SEC11C: variants seen among roughly 807,000 people sequenced by gnomAD.
SEC11C encodes the protein signal peptidase complex catalytic subunit SEC11C.
A neutral mutation model predicts 21.9 loss-of-function variants in SEC11C; 10 were observed. The observed-to-expected ratio is 0.46, with a 90% CI of 0.28 to 0.77. The LOEUF is 0.77. Ranked by LOEUF, SEC11C falls within the 30% of genes least tolerant of loss-of-function variation. The pLI, the probability that SEC11C is intolerant of heterozygous loss-of-function variation, is 0.12. For synonymous variants in SEC11C, 83 were observed against 85.6 expected (o/e 0.97, Z 0.17); for missense variants, 145 against 244.5 (o/e 0.59, Z 2.71).
At chr18:59,151,535 G>A (rs1174797396) in intron 2 of SEC11C, among the ~76,000 whole-genome samples, 2 of 152,040 alleles carry the variant, frequency 1.3e-5, no homozygotes, top group South Asian at 2.1e-4. Context: ...TCACTTAAAC[G>A]TAAACCTATC....
chr18:59,143,955 G>A (rs1366651883), intron 1 of SEC11C, among the ~76,000 whole-genome samples: 1 of 151,584 alleles, frequency 6.6e-6, no homozygotes, highest in African/African-American at 2.4e-5. Context: ...GGGTTCAAGC[G>A]ATTCTTGTGC....
Position 59,139,910 on chromosome 18 carries a change from C to A in SEC11C, c.-39C>A. The A allele has an allele frequency of 4.8e-6, 7 of 1,470,500 alleles. No homozygotes were observed. Among genetic ancestry groups the A allele is most frequent in the Non-Finnish European group, 4.5e-6 (5 of 1,099,664 alleles). 91.1% of individuals were successfully genotyped at this position (1,470,500 alleles called of 1,614,324 possible). A position where few individuals can be genotyped will look rare whatever the true frequency, so the allele number is the denominator to read the frequency against. ...GGTGCTCCGCAGCCGTCTGTGCCAC[C>A]CAGAGCCGGCGGGCCGCTAGGTCCC... is the stretch of plus-strand genomic sequence containing the variant. On this transcript the variant is annotated 5_prime_UTR_variant, in exon 1 of 6. Transcript: ENST00000587834.
At chr18:59,143,467 C>A (rs1019848413) in intron 1 of SEC11C, among the ~76,000 whole-genome samples, 1 of 151,800 alleles carries the variant, frequency 6.6e-6, no homozygotes, top group Non-Finnish European at 1.5e-5. Context: ...CATTTATGTC[C>A]TCACTTTCAG....
chr18:59,157,458 A>C (rs1392759175), intron 4 of SEC11C, 150 bp from the exon 5 acceptor site: 12 of 623,632 alleles, frequency 1.9e-5, no homozygotes, highest in Non-Finnish European at 3.4e-5. Context: ...AAGCTGTTTG[A>C]GACAGGGCTG....
intron 3 of SEC11C, among the ~76,000 whole-genome samples, chr18:59,154,106 T>TA (rs2069392277): frequency 6.6e-6 from 1 of 152,240 alleles, no homozygotes; most frequent in African/African-American, 2.4e-5. Context: ...CCTGTGGTGA[T>TA]ACACTGGTCC....
At chr18:59,151,014 A>G (rs1007224332) in intron 2 of SEC11C, among the ~76,000 whole-genome samples, 2 of 152,140 alleles carry the variant, frequency 1.3e-5, no homozygotes, top group East Asian at 1.9e-4. Flanking sequence ...TGGTTTGTCA[A>G]CATAAACCAA....
At chr18:59,146,478 G>A (rs993853933) in intron 1 of SEC11C, among the ~76,000 whole-genome samples, 1 of 152,160 alleles carries the variant, frequency 6.6e-6, no homozygotes, top group Admixed American at 6.5e-5. Flanking sequence ...TAGAGGAGGA[G>A]CAACTGGCAG....
chr18:59,155,668 G>A lies in SEC11C; in HGVS notation c.348-20G>A, dbSNP rs1215232831. On this transcript the variant is annotated intron_variant, in intron 3 of 5. Transcript: ENST00000587834. Reference sequence around the variant, plus strand: ...CTGTGCTGAAAATAATTTTTGAGAAGACATTATTTTGCTTTCCAGAGATAA... The same window carrying A: ...CTGTGCTGAAAATAATTTTTGAGAAAACATTATTTTGCTTTCCAGAGATAA... 6.2e-7 allele frequency: 1 copy of A among 1,604,376 alleles called. No individual in the cohort carries two copies. The highest frequency in any genetic ancestry group is 8.5e-7 in the Non-Finnish European group (1 of 1,176,616).
rs74331479 is a variant in SEC11C, at chr18:59,156,313, G to T, written c.467+506G>T. The T allele has an allele frequency of 2.8e-3, 425 of 154,538 alleles. 2 individuals carry two copies. The highest frequency in any genetic ancestry group is 1.0e-2 in the African/African-American group (415 of 41,554). 9.6% of individuals were successfully genotyped at this position (154,538 alleles called of 1,614,324 possible). Reference sequence around the variant, plus strand: ...GTTTAACATTTCAGGGAATGCTGTAGGTACTCTCTGGGCTGGTACAGATGT... The same window carrying T: ...GTTTAACATTTCAGGGAATGCTGTATGTACTCTCTGGGCTGGTACAGATGT... On this transcript the variant is annotated intron_variant, in intron 4 of 5. Coordinates refer to ENST00000587834, the MANE Select transcript of SEC11C (RefSeq NM_033280.4).
intron 2 of SEC11C, among the ~76,000 whole-genome samples, chr18:59,151,334 T>A (rs1603377617): frequency 1.4e-5 from 2 of 145,178 alleles, no homozygotes; most frequent in Non-Finnish European, 3.0e-5. Flanking sequence ...TTTTTTTTTT[T>A]AACACTGAAA....
Position 59,149,554 on chromosome 18 carries a change from T to G in SEC11C, c.129T>G (p.Ser43=). The G allele has an allele frequency of 1.9e-6, 3 of 1,613,186 alleles. No individual in the cohort carries two copies. Among genetic ancestry groups the G allele is most frequent in the Non-Finnish European group, 2.5e-6 (3 of 1,179,198 alleles). The part of the protein sequence containing the change: ...QVLNFAMIVS[S]ALMIWKGLIV... ...TAAACTTCGCCATGATCGTGTCTTC[T>G]GCACTCATGATATGGAAAGGCTTGA... The change falls in exon 2 of 6, where the codon TCT becomes TCG. Residue 43 remains serine (S), a synonymous_variant. Transcript: ENST00000587834.
At chr18:59,143,983 C>A (rs2069242449) in intron 1 of SEC11C, among the ~76,000 whole-genome samples, 1 of 152,032 alleles carries the variant, frequency 6.6e-6, no homozygotes, top group South Asian at 2.1e-4. Flanking sequence ...TCCCGAGTAG[C>A]TGGGATTACA....
chr18:59,152,763 G>A (rs977924631), intron 3 of SEC11C, 78 bp downstream of exon 3: 5 of 1,272,790 alleles, frequency 3.9e-6, no homozygotes, highest in Non-Finnish European at 5.4e-6. Flanking sequence ...ACTAGTAAAA[G>A]CACTGGATTA....
chr18:59,139,885 G>C lies in SEC11C; in HGVS notation c.-64G>C. Reference sequence around the variant, plus strand: ...CTGGGCCGGTGGGCGGGGGCCGGCAGGTGCTCCGCAGCCGTCTGTGCCACC... The same window carrying C: ...CTGGGCCGGTGGGCGGGGGCCGGCACGTGCTCCGCAGCCGTCTGTGCCACC... On this transcript the variant is annotated 5_prime_UTR_variant, in exon 1 of 6. Transcript: ENST00000587834. 4.0e-6 allele frequency: 5 copies of C among 1,264,190 alleles called. No individual in the cohort carries two copies. Among genetic ancestry groups the C allele is most frequent in the Non-Finnish European group, 5.2e-6 (5 of 955,284 alleles). 78.3% of individuals were successfully genotyped at this position (1,264,190 alleles called of 1,614,324 possible).
At chr18:59,141,258 G>A (rs2069207055) in intron 1 of SEC11C, among the ~76,000 whole-genome samples, 2 of 152,160 alleles carry the variant, frequency 1.3e-5, no homozygotes, top group Non-Finnish European at 2.9e-5. Context: ...GTAGTGTCTA[G>A]GTGTGCAAAG....
At position 59,152,622 on chromosome 18, in the gene SEC11C, T is replaced by C; in HGVS notation, c.284T>C (p.Val95Ala). 5 of 1,613,796 alleles carry C rather than the reference T, an allele frequency of 3.1e-6. No homozygotes were observed. The highest frequency in any genetic ancestry group is 4.2e-6 in the Non-Finnish European group (5 of 1,179,948). The part of the protein sequence containing the change: ...REDPIRAGEI[V>A]VFKVEGRDIP... The stretch of plus-strand genomic sequence containing the variant: ...GACCCAATCAGAGCTGGTGAAATAG[T>C]TGTTTTTAAAGTTGAAGGACGAGAC... The change falls in exon 3 of 6, where the codon GTT (valine) becomes GCT (alanine). Residue 95 changes from valine (V) to alanine (A), a missense_variant. Transcript: ENST00000587834.
chr18:59,158,499 A>C, intron 5 of SEC11C, 133 bp from the exon 6 acceptor site: 4 of 705,634 alleles, frequency 5.7e-6, no homozygotes, highest in Non-Finnish European at 9.7e-6. Flanking sequence ...TTTAGAGAAC[A>C]AGCCATGGGG....
chr18:59,151,005 G>T (rs2069345150), intron 2 of SEC11C, among the ~76,000 whole-genome samples: 1 of 151,976 alleles, frequency 6.6e-6, no homozygotes, highest in African/African-American at 2.4e-5. Flanking sequence ...AAAGCAATTT[G>T]GTTTGTCAAC....
intron 1 of SEC11C, among the ~76,000 whole-genome samples, chr18:59,148,888 TA>T (rs1383864934): frequency 3.5e-4 from 53 of 152,266 alleles, no homozygotes; most frequent in African/African-American, 1.2e-3. Flanking sequence ...GTGCTGGGAT[TA>T]CAGGCGTGAG....
Sources: allele counts gnomAD v4.1 joint callset (sites outside exome capture counted in the v4.1 genomes callset), GRCh38; gene constraint gnomAD v4.1.1; transcripts MANE v1.5; gene names NCBI Gene and HGNC (gene_info 2026-07-23, HGNC 2026-07-21).